AGBL4: variants seen among roughly 807,000 people sequenced by gnomAD.
AGBL4 encodes cytosolic carboxypeptidase 6.
In AGBL4, 58 loss-of-function variants were observed where a neutral mutation model predicts 66.4. That is an observed-to-expected ratio of 0.87 (90% confidence interval 0.71 to 1.09). The LOEUF is 1.09. AGBL4 is among the 50% of genes least tolerant of loss of function. The pLI is 0.00. For synonymous variants in AGBL4, 234 were observed against 222.9 expected, an observed-to-expected ratio of 1.05 and a Z score of -0.44; for missense variants, 579 against 631.0, an observed-to-expected ratio of 0.92 and a Z score of 0.88.
intron 3 of AGBL4, among the ~76,000 whole-genome samples, chr1:49,486,261 T>A (rs908718027): frequency 1.3e-5 from 2 of 152,054 alleles, no homozygotes; most frequent in African/African-American, 4.8e-5. Context: ...CTTCACCTAT[T>A]TTCCAAAGGT....
chr1:49,065,134 G>C (rs1481255359), intron 4 of AGBL4, among the ~76,000 whole-genome samples: 1 of 152,124 alleles, frequency 6.6e-6, no homozygotes, highest in African/African-American at 2.4e-5. Flanking sequence ...AATGTGGTAG[G>C]AGAGATGTGA....
At chr1:49,524,665 C>G (rs1438355413) in intron 3 of AGBL4, among the ~76,000 whole-genome samples, 1 of 151,892 alleles carries the variant, frequency 6.6e-6, no homozygotes, top group East Asian at 1.9e-4. Flanking sequence ...TAATGTCTCT[C>G]TCTTGCCATA....
chr1:49,809,161 T>G (rs898384996), intron 2 of AGBL4, among the ~76,000 whole-genome samples: 1 of 152,264 alleles, frequency 6.6e-6, no homozygotes, highest in South Asian at 2.1e-4. Flanking sequence ...AATTACATTT[T>G]TTTTTATTAT....
intron 6 of AGBL4, among the ~76,000 whole-genome samples, chr1:48,698,953 C>T (rs1387643412): frequency 6.6e-6 from 1 of 152,244 alleles, no homozygotes; most frequent in African/African-American, 2.4e-5. Context: ...CACCTCCCCA[C>T]ATCTTTAAAA....
chr1:49,861,321 C>T (rs951602557), intron 1 of AGBL4, among the ~76,000 whole-genome samples: 3 of 152,124 alleles, frequency 2.0e-5, no homozygotes, highest in East Asian at 1.9e-4. Context: ...GCTGGCATCA[C>T]CCTTCCCCTA....
chr1:49,831,097 T>G (rs2148014100), intron 2 of AGBL4, among the ~76,000 whole-genome samples: 1 of 152,344 alleles, frequency 6.6e-6, no homozygotes, highest in African/African-American at 2.4e-5. Flanking sequence ...GCAGACTTTT[T>G]TTTGGTTCCA....
At chr1:49,089,147 G>T (rs1279203949) in intron 4 of AGBL4, among the ~76,000 whole-genome samples, 1 of 151,432 alleles carries the variant, frequency 6.6e-6, no homozygotes, top group South Asian at 2.1e-4. Context: ...ACATCAAAAA[G>T]TTAGAAAGAT....
At chr1:49,874,492 G>A (rs1271441739) in intron 1 of AGBL4, among the ~76,000 whole-genome samples, 1 of 152,016 alleles carries the variant, frequency 6.6e-6, no homozygotes. Flanking sequence ...ATGCTTAAAA[G>A]GGAAAGTGGC....
chr1:48,674,136 C>T lies in AGBL4; in HGVS notation c.635-10895G>A, dbSNP rs550886802. 1.3e-4 allele frequency among the ~76,000 whole-genome samples: 20 copies of T among 152,346 alleles called. 1 individual carries two copies. The highest frequency in any genetic ancestry group is 9.8e-4 in the Admixed American group (15 of 15,308). ...TCCTCACACCTTTCTAGTTTCCTCA[C>T]ACCTCTGTCCAGAGGACGCTCCTGG... is the stretch of plus-strand genomic sequence containing the variant. On this transcript the variant is annotated intron_variant, in intron 6 of 13. Transcript: ENST00000371839.
At chr1:49,979,241 C>A (rs1658848500) in intron 1 of AGBL4, among the ~76,000 whole-genome samples, 1 of 151,058 alleles carries the variant, frequency 6.6e-6, no homozygotes, top group Non-Finnish European at 1.5e-5. Flanking sequence ...GCGGGTGGAT[C>A]ATGAGGTCAG....
intron 5 of AGBL4, among the ~76,000 whole-genome samples, chr1:48,991,712 T>C (rs1276292828): frequency 2.0e-5 from 3 of 152,092 alleles, no homozygotes; most frequent in Non-Finnish European, 4.4e-5. Context: ...TATTTTCAAA[T>C]AGCCTTTCTT....
At chr1:48,739,450 C>G in intron 6 of AGBL4, among the ~76,000 whole-genome samples, 1 of 151,954 alleles carries the variant, frequency 6.6e-6, no homozygotes, top group East Asian at 1.9e-4. Flanking sequence ...CTTCATTTCT[C>G]TACTATATTC....
intron 3 of AGBL4, among the ~76,000 whole-genome samples, chr1:49,572,151 G>T (rs1234610306): frequency 2.0e-5 from 3 of 152,096 alleles, no homozygotes; most frequent in Non-Finnish European, 4.4e-5. Context: ...AATGGTATTA[G>T]TTATTTTTTG....
At chr1:49,007,546 G>A (rs1357432812) in intron 5 of AGBL4, among the ~76,000 whole-genome samples, 4 of 149,718 alleles carry the variant, frequency 2.7e-5, no homozygotes, top group South Asian at 2.1e-4. Context: ...GATACTCCTC[G>A]AGAAGAGCAA....
intron 3 of AGBL4, among the ~76,000 whole-genome samples, chr1:49,321,186 C>T (rs566312489): frequency 6.6e-6 from 1 of 152,302 alleles, no homozygotes; most frequent in African/African-American, 2.4e-5. Context: ...CTTGGTCCTC[C>T]CTGCCTTTGA....
At chr1:49,132,897 C>T (rs912540856) in intron 4 of AGBL4, among the ~76,000 whole-genome samples, 1 of 152,052 alleles carries the variant, frequency 6.6e-6, no homozygotes, top group East Asian at 1.9e-4. Flanking sequence ...GGGAATATAC[C>T]GAAAGGATTA....
intron 6 of AGBL4, among the ~76,000 whole-genome samples, chr1:48,829,851 A>T (rs1225950854): frequency 1.3e-5 from 2 of 152,158 alleles, no homozygotes; most frequent in African/African-American, 4.8e-5. Flanking sequence ...TTGATTTCTA[A>T]ATTCCACCAG....
chr1:49,094,295 G>C (rs1359302478), intron 4 of AGBL4, among the ~76,000 whole-genome samples: 2 of 152,014 alleles, frequency 1.3e-5, no homozygotes, highest in Non-Finnish European at 2.9e-5. Flanking sequence ...TATGGCAAAA[G>C]GCATTTTGCA....
intron 1 of AGBL4, among the ~76,000 whole-genome samples, chr1:50,000,733 C>T (rs528871427): frequency 6.6e-6 from 1 of 152,292 alleles, no homozygotes; most frequent in South Asian, 2.1e-4. Flanking sequence ...GAATACTACT[C>T]AGCCATAAAA....
Sources: allele counts gnomAD v4.1 joint callset (sites outside exome capture counted in the v4.1 genomes callset), GRCh38; gene constraint gnomAD v4.1.1; transcripts MANE v1.5; gene names NCBI Gene and HGNC (gene_info 2026-07-23, HGNC 2026-07-21).